TFAP2C: variants seen among roughly 807,000 people sequenced by gnomAD.
TFAP2C encodes transcription factor AP-2 gamma, also known as activating enhancer-binding protein 2 gamma.
In TFAP2C, 9 loss-of-function variants were observed where a neutral mutation model predicts 42.9. The observed-to-expected ratio is 0.21, with a 90% CI of 0.13 to 0.37. The LOEUF is 0.37. TFAP2C is among the 10% of genes least tolerant of loss of function. The pLI is 1.00. For synonymous variants in TFAP2C, 264 were observed against 256.0 expected, an observed-to-expected ratio of 1.03 and a Z score of -0.30; for missense variants, 462 against 591.7, an observed-to-expected ratio of 0.78 and a Z score of 2.27.
rs1987485605 is a variant in TFAP2C, at chr20:56,631,311, C to T, written c.155C>T (p.Ala52Val). The change falls in exon 2 of 7, where the codon GCC becomes GTC. Residue 52 changes from alanine (A) to valine (V), a missense_variant. Around this residue, in one of 5 missense-constraint regions of TFAP2C, gnomAD observed 271 missense variants for 269.7 expected, o/e 1.00. Transcript: ENST00000201031. This position sits in a 1 kb window ranked among gnomAD's most constrained non-coding sequence, Gnocchi z 6.1. Reference protein sequence around the residue: ...PAPPLSHTGVAEYQPPPYFPP... With the variant: ...PAPPLSHTGVVEYQPPPYFPP... Reference sequence around the variant, plus strand: ...CCACCCCTCTCCCACACTGGAGTCGCCGAATATCAGCCGCCACCCTACTTT... The same window carrying T: ...CCACCCCTCTCCCACACTGGAGTCGTCGAATATCAGCCGCCACCCTACTTT... The T allele has an allele frequency of 6.2e-7, 1 of 1,608,480 alleles. No homozygotes were observed. The highest frequency in any genetic ancestry group is 1.1e-5 in the South Asian group (1 of 89,896).
chr20:56,637,040 C>G (rs1987595304), intron 6 of TFAP2C, among the ~76,000 whole-genome samples: 1 of 152,132 alleles, frequency 6.6e-6, no homozygotes, highest in Non-Finnish European at 1.5e-5. Context: ...GCATATCTTA[C>G]AAAAATGTGT....
intron 4 of TFAP2C, among the ~76,000 whole-genome samples, chr20:56,633,862 T>C (rs147506390): frequency 7.0e-4 from 106 of 152,286 alleles, no homozygotes; most frequent in African/African-American, 2.4e-3. Flanking sequence ...CAGGGAGTTT[T>C]TGTGGGGCCG....
intron 3 of TFAP2C, among the ~76,000 whole-genome samples, chr20:56,632,897 T>G (rs1449124294): frequency 6.6e-6 from 1 of 152,068 alleles, no homozygotes; most frequent in African/African-American, 2.4e-5. Flanking sequence ...AATTTCAGAT[T>G]AGATTTGTCT....
rs1409348721 is a variant in TFAP2C at position 56,638,658 on chromosome 20, CCTTT to C, written c.*646_*649del. The C allele has an allele frequency of 2.9e-5, 4 of 136,458 alleles. No individual in the cohort carries two copies. Among genetic ancestry groups the C allele is most frequent in the African/African-American group, 1.1e-4 (4 of 35,496 alleles). The allele number at this position is 136,458 out of a possible 1,614,324, so 8.5% of individuals were successfully genotyped here. ...GAAGCCTGCTGATTGATTTTTTTCT[CCTTT>C]TTTTTTTTTTTTTTTTTTAACTTTG... On this transcript the variant is annotated 3_prime_UTR_variant, in exon 7 of 7. Transcript: ENST00000201031.
rs1368292172 is a variant in TFAP2C, at chr20:56,630,160, C to T, written c.48+568C>T. On this transcript the variant is annotated intron_variant, in intron 1 of 6. Coordinates refer to ENST00000201031, the MANE Select transcript of TFAP2C (RefSeq NM_003222.4). The surrounding 1 kb of genome is among the most constrained non-coding windows in gnomAD (Gnocchi z 5.1). ...GCTCCAGCCTGTCGGACAGGTTGAG[C>T]TAGAGTTTCGGAGAGTGGGAGGGAA... The T allele has an allele frequency of 3.7e-6, 1 of 269,052 alleles. No homozygotes were observed. Among genetic ancestry groups the T allele is most frequent in the African/African-American group, 2.3e-5 (1 of 43,282 alleles). The allele number at this position is 269,052 out of a possible 1,614,324, so 16.7% of individuals were successfully genotyped here. A position where few individuals can be genotyped will look rare whatever the true frequency, so the allele number is the denominator to read the frequency against.
chr20:56,637,950 T>C lies in TFAP2C; in HGVS notation c.1290T>C (p.Pro430=), dbSNP rs1987617351. 6 of 1,613,882 alleles carry C rather than the reference T, an allele frequency of 3.7e-6. No homozygotes were observed. The highest frequency in any genetic ancestry group is 1.3e-5 in the African/African-American group (1 of 74,878). Residue 430 remains proline (P), a synonymous_variant, in exon 7 of 7, where the codon CCT becomes CCC. Transcript: ENST00000201031. ...LIVIDKSYMN[P]GDQSPADSNK... ...TCATAGACAAATCCTACATGAACCC[T>C]GGAGACCAGAGTCCAGCTGATTCTA...
Position 56,631,317 on chromosome 20 carries a change from A to T in TFAP2C, c.161A>T (p.Tyr54Phe), listed in dbSNP as rs1466352236. The T allele has an allele frequency of 2.5e-6, 4 of 1,609,300 alleles. No homozygotes were observed. In the Admixed American group the frequency reaches 6.7e-5, roughly 27 times the overall value. ...PPLSHTGVAE[Y>F]QPPPYFPPPY... ...CTCTCCCACACTGGAGTCGCCGAAT[A>T]TCAGCCGCCACCCTACTTTCCCCCT... The change falls in exon 2 of 7, where the codon TAT becomes TTT. Residue 54 changes from tyrosine to phenylalanine, a missense_variant. Around this residue, in one of 5 missense-constraint regions of TFAP2C, gnomAD observed 271 missense variants for 269.7 expected, o/e 1.00. Transcript: ENST00000201031. This position sits in a 1 kb window ranked among gnomAD's most constrained non-coding sequence, Gnocchi z 6.1.
rs778563366 is a variant in TFAP2C at position 56,637,885 on chromosome 20, G to T, written c.1225G>T (p.Val409Leu). 6.2e-7 allele frequency: 1 copy of T among 1,601,450 alleles called. No individual in the cohort carries two copies. The highest frequency in any genetic ancestry group is 8.6e-7 in the Non-Finnish European group (1 of 1,168,412). The change falls in exon 7 of 7, where the codon GTG becomes TTG. Residue 409 changes from valine (V) to leucine (L), a missense_variant. By Grantham distance (32) the Val-to-Leu change is conservative (BLOSUM62 1). Around this residue, in one of 5 missense-constraint regions of TFAP2C, gnomAD observed 130 missense variants for 160.8 expected, o/e 0.81. Coordinates refer to ENST00000201031, the MANE Select transcript of TFAP2C (RefSeq NM_003222.4). ...GFGSQAICAA[V>L]SALQNYIKEA... is the part of the protein sequence containing the mutation. ...TGGCAGCCAGGCCATCTGTGCCGCG[G>T]TGTCTGCCCTGCAGAACTACATCAA...
Position 56,630,403 on chromosome 20 carries a change from T to A in TFAP2C, c.49-802T>A. 2.2e-6 allele frequency: 1 copy of A among 458,368 alleles called. No homozygotes were observed. 28.4% of individuals were successfully genotyped at this position (458,368 alleles called of 1,614,324 possible). On this transcript the variant is annotated intron_variant, in intron 1 of 6. Coordinates refer to ENST00000201031, the MANE Select transcript of TFAP2C (RefSeq NM_003222.4). This position sits in a 1 kb window ranked among gnomAD's most constrained non-coding sequence, Gnocchi z 5.1. ...CGGCGCCCCGAGACCCCTGGGCAGATGGGGACGCATCCTTTAGAAACTGAG... is the reference window on the plus strand; with the variant it reads ...CGGCGCCCCGAGACCCCTGGGCAGAAGGGGACGCATCCTTTAGAAACTGAG...
chr20:56,636,433 C>T (rs567404853), intron 5 of TFAP2C, among the ~76,000 whole-genome samples, 177 bp from the exon 6 acceptor site: 47 of 150,756 alleles, frequency 3.1e-4, no homozygotes, highest in Middle Eastern at 6.8e-3. Context: ...GGCTGAGGCA[C>T]GAGAATTGCT....
intron 3 of TFAP2C, among the ~76,000 whole-genome samples, chr20:56,632,517 G>A (rs1181542828): frequency 6.6e-6 from 1 of 152,166 alleles, no homozygotes; most frequent in Non-Finnish European, 1.5e-5. Flanking sequence ...AATAGAGTAG[G>A]CCTAAATTGA....
At chr20:56,637,200 G>A (rs1987599679) in intron 6 of TFAP2C, among the ~76,000 whole-genome samples, 2 of 152,142 alleles carry the variant, frequency 1.3e-5, no homozygotes. Flanking sequence ...TGCAGCTGTG[G>A]GTTTTCTCAT....
chr20:56,634,018 A>C, intron 4 of TFAP2C, 132 bp from the exon 5 acceptor site: 1 of 682,760 alleles, frequency 1.5e-6, no homozygotes, highest in Non-Finnish European at 2.6e-6. Flanking sequence ...ATTATGGTTC[A>C]CGTGATGTAG....
At chr20:56,633,230 G>A in intron 3 of TFAP2C, 123 bp from the exon 4 acceptor site, 1 of 683,188 alleles carries the variant, frequency 1.5e-6, no homozygotes, top group Non-Finnish European at 2.5e-6. Flanking sequence ...GCCTGCAGTT[G>A]ATCGTGGGGT....
At position 56,630,376 on chromosome 20, in the gene TFAP2C, C is replaced by T. The variant is rs1218638321; in HGVS notation, c.48+784C>T. 2.2e-6 allele frequency: 1 copy of T among 460,092 alleles called. No individual in the cohort carries two copies. Among genetic ancestry groups the T allele is most frequent in the Admixed American group, 2.4e-5 (1 of 41,782 alleles). 28.5% of individuals were successfully genotyped at this position (460,092 alleles called of 1,614,324 possible). ...CGACAGCGCCATGTTCCTCCAGGTT[C>T]CCGGCGCCCCGAGACCCCTGGGCAG... On this transcript the variant is annotated intron_variant, in intron 1 of 6. Transcript: ENST00000201031. The surrounding 1 kb of genome is among the most constrained non-coding windows in gnomAD (Gnocchi z 5.1).
rs958742713 is a variant in TFAP2C at position 56,630,839 on chromosome 20, G to T, written c.49-366G>T. ...TCTGCACCGGGCGTCCGGCTCCTTC[G>T]CCCCGGGCTCTGGCTCCTTCGCCCC... On this transcript the variant is annotated intron_variant, in intron 1 of 6. Coordinates refer to ENST00000201031, the MANE Select transcript of TFAP2C (RefSeq NM_003222.4). The surrounding 1 kb of genome is among the most constrained non-coding windows in gnomAD (Gnocchi z 5.1). The T allele has an allele frequency of 2.0e-6, 2 of 983,994 alleles. No individual in the cohort carries two copies. The highest frequency in any genetic ancestry group is 1.8e-5 in the African/African-American group (1 of 56,540). 61.0% of individuals were successfully genotyped at this position (983,994 alleles called of 1,614,324 possible). A position where few individuals can be genotyped will look rare whatever the true frequency, so the allele number is the denominator to read the frequency against.
rs1014963165 is a variant in TFAP2C at position 56,630,819 on chromosome 20, A to C, written c.49-386A>C. On this transcript the variant is annotated intron_variant, in intron 1 of 6. Coordinates refer to ENST00000201031, the MANE Select transcript of TFAP2C (RefSeq NM_003222.4). The surrounding 1 kb of genome is among the most constrained non-coding windows in gnomAD (Gnocchi z 5.1). ...GGCGGGCTCCACGAGATAGCTCTGCACCGGGCGTCCGGCTCCTTCGCCCCG... is the reference window on the plus strand; with the variant it reads ...GGCGGGCTCCACGAGATAGCTCTGCCCCGGGCGTCCGGCTCCTTCGCCCCG... 27 of 984,960 alleles carry C rather than the reference A, an allele frequency of 2.7e-5. No individual in the cohort carries two copies. The African/African-American group carries it at 4.0e-4, about 15-fold the overall frequency. 61.0% of individuals were successfully genotyped at this position (984,960 alleles called of 1,614,324 possible).
rs1331693394 is a variant in TFAP2C at position 56,630,243 on chromosome 20, G to A, written c.48+651G>A. 3.3e-6 allele frequency: 1 copy of A among 298,518 alleles called. No individual in the cohort carries two copies. Among genetic ancestry groups the A allele is most frequent in the Non-Finnish European group, 6.9e-6 (1 of 144,806 alleles). The allele number at this position is 298,518 out of a possible 1,614,324, so 18.5% of individuals were successfully genotyped here. A position where few individuals can be genotyped will look rare whatever the true frequency, so the allele number is the denominator to read the frequency against. On this transcript the variant is annotated intron_variant, in intron 1 of 6. Transcript: ENST00000201031. This position sits in a 1 kb window ranked among gnomAD's most constrained non-coding sequence, Gnocchi z 5.1. ...CGCAGGCAGCGCTAGGCGAGCTCAG[G>A]GGCGCCGGGAGCGCGGAGCTCGGGC... is the stretch of plus-strand genomic sequence containing the variant.
chr20:56,632,682 A>T (rs1274512240), intron 3 of TFAP2C, among the ~76,000 whole-genome samples: 2 of 152,136 alleles, frequency 1.3e-5, no homozygotes, highest in Admixed American at 6.6e-5. Context: ...ACTGCACTGA[A>T]AAATTTTGGA....
Sources: allele counts gnomAD v4.1 joint callset (sites outside exome capture counted in the v4.1 genomes callset), GRCh38; gene constraint gnomAD v4.1.1; regional missense constraint gnomAD v4.1.1; non-coding constraint Gnocchi (gnomAD v3.1); transcripts MANE v1.5; gene names NCBI Gene and HGNC (gene_info 2026-07-23, HGNC 2026-07-21).